The following PREP variants were observed in gnomAD, a reference collection of about 807,000 sequenced individuals.
PREP encodes prolyl endopeptidase.
Under a neutral mutation model 87.6 loss-of-function variants are expected in PREP, and 29 were observed. The ratio of observed to expected loss-of-function variants is 0.33; its 90% confidence interval spans 0.25 to 0.45. The LOEUF is 0.45. Among genes scored for constraint, PREP ranks in the 20% least tolerant of loss-of-function variants. The probability of loss-of-function intolerance (pLI) is 1.00; values close to 1 mark genes in which losing one functional copy is unlikely to be tolerated. For synonymous variants in PREP, 337 were observed against 328.6 expected (o/e 1.03, Z -0.28); for missense variants, 695 against 886.5 (o/e 0.78, Z 2.74).
intron 6 of PREP, among the ~76,000 whole-genome samples, chr6:105,353,789 A>AG (rs1252655270): frequency 2.6e-5 from 4 of 151,630 alleles, no homozygotes; most frequent in African/African-American, 9.7e-5. Context: ...AAAAAAAAAA[A>AG]AGAATTAGCA....
intron 7 of PREP, among the ~76,000 whole-genome samples, chr6:105,343,870 C>T (rs1212231865): frequency 2.6e-5 from 4 of 152,070 alleles, no homozygotes; most frequent in Non-Finnish European, 4.4e-5. Context: ...GTCAGGAAAC[C>T]ACAGGTGCTG....
rs1762617984 is a variant in PREP at position 105,278,481 on chromosome 6, A to AGAGTT, written c.1839-48_1839-44dup. On this transcript the variant is annotated intron_variant, in intron 14 of 14. Coordinates refer to ENST00000652536, the MANE Select transcript of PREP (RefSeq NM_002726.5). The surrounding 1 kb of genome is among the most constrained non-coding windows in gnomAD (Gnocchi z 4.2). ...CTTTGTGAGGCTGGAGAGCAACAGTAGAGTTTTATGGCACAGGGACCTAGG... is the reference window on the plus strand; with the variant it reads ...CTTTGTGAGGCTGGAGAGCAACAGTAGAGTTGAGTTTTATGGCACAGGGACCTAGG... 1 of 1,565,456 alleles carries AGAGTT rather than the reference A, an allele frequency of 6.4e-7. No homozygotes were observed. Among genetic ancestry groups the AGAGTT allele is most frequent in the Non-Finnish European group, 8.7e-7 (1 of 1,145,664 alleles).
intron 7 of PREP, among the ~76,000 whole-genome samples, chr6:105,350,178 C>T (rs533579417): frequency 3.9e-4 from 59 of 151,910 alleles, no homozygotes; most frequent in South Asian, 6.2e-4. Flanking sequence ...AACTAAAGTA[C>T]GGTGATTCTA....
intron 7 of PREP, among the ~76,000 whole-genome samples, chr6:105,347,212 T>C (rs1028685024): frequency 7.2e-5 from 11 of 152,166 alleles, no homozygotes; most frequent in Admixed American, 6.5e-4. Context: ...AGTCTGAGCA[T>C]GGATCTGTGC....
intron 10 of PREP, among the ~76,000 whole-genome samples, chr6:105,313,458 G>T (rs186592270): frequency 1.3e-5 from 2 of 152,158 alleles, no homozygotes; most frequent in African/African-American, 4.8e-5. Flanking sequence ...ATGTTGCCCC[G>T]GGGGTTTAAG....
chr6:105,402,871 G>A lies in PREP; in HGVS notation c.21C>T (p.Pro7=). 3.2e-6 allele frequency: 5 copies of A among 1,544,304 alleles called. No individual in the cohort carries two copies. Among genetic ancestry groups the A allele is most frequent in the Non-Finnish European group, 4.4e-6 (5 of 1,143,308 alleles). ...CGGCGGTCTCGTCGCGGTACACGTC[G>A]GGGTACTGAAGGGACAGCATGGCCG... is the stretch of plus-strand genomic sequence containing the variant. The part of the protein sequence containing the change: MLSLQY[P]DVYRDETAVQ... Residue 7 remains proline (P), a synonymous_variant, in exon 1 of 15, where the codon CCC becomes CCT. Transcript: ENST00000652536.
Position 105,333,457 on chromosome 6 carries a change from T to C in PREP, c.872A>G (p.Asp291Gly). The C allele has an allele frequency of 6.2e-7, 1 of 1,614,198 alleles. No homozygotes were observed. The highest frequency in any genetic ancestry group is 8.5e-7 in the Non-Finnish European group (1 of 1,180,036). ...KLIDNFEGEY[D>G]YVTNEGTVFT... is the part of the protein sequence containing the mutation. ...CACCGTCCCCTCATTGGTCACGTAG[T>C]CATATTCCCCTTCAAAGTTGTCAAT... is the stretch of plus-strand genomic sequence containing the variant. Residue 291 changes from aspartate (D) to glycine (G), a missense_variant, in exon 8 of 15, where the codon GAC becomes GGC. Around this residue, in one of 5 missense-constraint regions of PREP, gnomAD observed 517 missense variants for 620.3 expected, o/e 0.83. Transcript: ENST00000652536.
chr6:105,373,551 T>C lies in PREP; in HGVS notation c.413A>G (p.Tyr138Cys), dbSNP rs764021393. The C allele has an allele frequency of 1.1e-5, 18 of 1,614,174 alleles. No homozygotes were observed. The highest frequency in any genetic ancestry group is 1.4e-5 in the Non-Finnish European group (17 of 1,180,020). ...ACTGGCACTCAGACCATAGGCAAAATATTCACCATCTTCGCTGAACGCATA... is the reference window on the plus strand; with the variant it reads ...ACTGGCACTCAGACCATAGGCAAAACATTCACCATCTTCGCTGAACGCATA... ...RGYAFSEDGE[Y>C]FAYGLSASGS... is the part of the protein sequence containing the mutation. Residue 138 changes from tyrosine to cysteine, a missense_variant, in exon 5 of 15, where the codon TAT becomes TGT. Around this residue, in one of 5 missense-constraint regions of PREP, gnomAD observed 517 missense variants for 620.3 expected, o/e 0.83. Coordinates refer to ENST00000652536, the MANE Select transcript of PREP (RefSeq NM_002726.5).
At chr6:105,336,875 T>C (rs1771495849) in intron 7 of PREP, among the ~76,000 whole-genome samples, 1 of 152,210 alleles carries the variant, frequency 6.6e-6, no homozygotes, top group South Asian at 2.1e-4. Flanking sequence ...GGTAGTTCCT[T>C]TATATATCTA....
intron 2 of PREP, among the ~76,000 whole-genome samples, chr6:105,385,478 G>T (rs990732167): frequency 6.6e-6 from 1 of 151,922 alleles, no homozygotes; most frequent in Non-Finnish European, 1.5e-5. Context: ...TCAATGAAAT[G>T]AATAATTTAC....
At chr6:105,362,654 G>A (rs1772284873) in intron 6 of PREP, among the ~76,000 whole-genome samples, 1 of 152,190 alleles carries the variant, frequency 6.6e-6, no homozygotes, top group African/African-American at 2.4e-5. Flanking sequence ...TTGGCTTTCT[G>A]ACTTTTCTGC....
chr6:105,366,739 T>C (rs1286557342), intron 6 of PREP, among the ~76,000 whole-genome samples: 3 of 152,192 alleles, frequency 2.0e-5, no homozygotes, highest in Non-Finnish European at 2.9e-5. Context: ...ACATGGAATA[T>C]TGTTCAGCGT....
At chr6:105,339,663 C>T (rs1583066008) in intron 7 of PREP, among the ~76,000 whole-genome samples, 1 of 152,062 alleles carries the variant, frequency 6.6e-6, no homozygotes, top group African/African-American at 2.4e-5. Context: ...GAAGGGCTAA[C>T]CAGAATAAAC....
intron 6 of PREP, among the ~76,000 whole-genome samples, chr6:105,360,041 T>C (rs1452295533): frequency 1.3e-5 from 2 of 152,178 alleles, no homozygotes; most frequent in East Asian, 3.8e-4. Flanking sequence ...ATGCAGTGTG[T>C]ACAACACAGC....
chr6:105,394,378 AAAT>A (rs1562229643), intron 2 of PREP, among the ~76,000 whole-genome samples: 1 of 152,312 alleles, frequency 6.6e-6, no homozygotes, highest in Non-Finnish European at 1.5e-5. Context: ...GTAGAGGAGA[AAAT>A]AATAATTGAT....
At chr6:105,301,300 G>A (rs1306545710) in intron 10 of PREP, among the ~76,000 whole-genome samples, 3 of 152,244 alleles carry the variant, frequency 2.0e-5, no homozygotes, top group Non-Finnish European at 4.4e-5. Context: ...GGCCACTTGT[G>A]TGGTCTGTGC....
chr6:105,323,181 G>T, intron 10 of PREP: 1 of 1,155,584 alleles, frequency 8.7e-7, no homozygotes, highest in South Asian at 1.3e-5. Flanking sequence ...GTGGTGACAT[G>T]ACAATTAATT....
intron 5 of PREP, among the ~76,000 whole-genome samples, chr6:105,372,784 C>G (rs1772592837): frequency 6.6e-6 from 1 of 152,186 alleles, no homozygotes; most frequent in South Asian, 2.1e-4. Context: ...TCCATAATCT[C>G]CTTAGGAGAT....
At chr6:105,381,985 T>C (rs1380741265) in intron 2 of PREP, among the ~76,000 whole-genome samples, 1 of 152,174 alleles carries the variant, frequency 6.6e-6, no homozygotes, top group Non-Finnish European at 1.5e-5. Context: ...GAAAATTTTT[T>C]TCAAAGTGCC....
Sources: allele counts gnomAD v4.1 joint callset (sites outside exome capture counted in the v4.1 genomes callset), GRCh38; gene constraint gnomAD v4.1.1; regional missense constraint gnomAD v4.1.1; non-coding constraint Gnocchi (gnomAD v3.1); transcripts MANE v1.5; gene names NCBI Gene and HGNC (gene_info 2026-07-23, HGNC 2026-07-21).